RAPGEF2: variants seen among roughly 807,000 people sequenced by gnomAD.
RAPGEF2 encodes PDZ domain containing guanine nucleotide exchange factor (GEF) 1.
RAPGEF2 carries 54 observed loss-of-function variants against 186.7 expected under a neutral mutation model. That is an observed-to-expected ratio of 0.29 (90% CI 0.23 to 0.36). The LOEUF (loss-of-function observed/expected upper bound fraction) is 0.36, where lower values mean the gene tolerates loss of function less well. Among genes scored for constraint, RAPGEF2 ranks in the 10% least tolerant of loss-of-function variants. The pLI, the probability that RAPGEF2 is intolerant of heterozygous loss-of-function variation, is 1.00. For synonymous variants in RAPGEF2, 712 were observed against 705.9 expected, an observed-to-expected ratio of 1.01 and a Z score of -0.14; for missense variants, 1,532 against 2,045.0, an observed-to-expected ratio of 0.75 and a Z score of 4.84.
In RAPGEF2 at chr4:159,247,755, C is replaced by CTTTTT. The variant is rs56053207; in HGVS notation, c.543+3985_543+3989dup. On this transcript the variant is annotated intron_variant, in intron 7 of 29. Transcript: ENST00000691494. The stretch of plus-strand genomic sequence containing the variant: ...AGAAGAAAGTAGAAATAATTTGTTT[C>CTTTTT]TTTTTTTTTTTTTTTTTTTTTTTTT... Among the ~76,000 whole-genome samples the CTTTTT allele has an allele frequency of 6.0e-4, 50 of 83,456 alleles. 2 individuals are homozygous for CTTTTT. The highest frequency in any genetic ancestry group is 2.0e-3 in the African/African-American group (42 of 21,152). The allele number at this position is 83,456 out of a possible 152,430, so 54.8% of individuals were successfully genotyped here. A position where few individuals can be genotyped will look rare whatever the true frequency, so the allele number is the denominator to read the frequency against.
In RAPGEF2 at chr4:159,244,571, G is replaced by GA. The variant is rs901626397; in HGVS notation, c.543+785dup. Among the ~76,000 whole-genome samples the GA allele has an allele frequency of 1.9e-4, 29 of 151,992 alleles. 1 individual carries two copies. Among genetic ancestry groups the GA allele is most frequent in the South Asian group, 6.2e-4 (3 of 4,830 alleles). ...TATCCGGGAATTTTGAGTCAAGGAA[G>GA]AAAAACTGATTTATCCTTGAAAACT... On this transcript the variant is annotated intron_variant, in intron 7 of 29. Coordinates refer to ENST00000691494, the MANE Select transcript of RAPGEF2 (RefSeq NM_001394067.2).
At chr4:159,123,240 A>T (rs1449882828) in intron 1 of RAPGEF2, among the ~76,000 whole-genome samples, 2 of 152,254 alleles carry the variant, frequency 1.3e-5, no homozygotes, top group Non-Finnish European at 2.9e-5. Flanking sequence ...TTCATAGGTC[A>T]GAAGTTACCT....
At chr4:159,248,294 A>G (rs1161202439) in intron 7 of RAPGEF2, among the ~76,000 whole-genome samples, 1 of 152,204 alleles carries the variant, frequency 6.6e-6, no homozygotes, top group Non-Finnish European at 1.5e-5. Context: ...AGAATGGAAA[A>G]GAGGATGAAG....
intron 7 of RAPGEF2, among the ~76,000 whole-genome samples, chr4:159,295,738 T>C (rs1265466354): frequency 3.0e-5 from 4 of 133,808 alleles, no homozygotes; most frequent in African/African-American, 1.4e-4. Context: ...TGTGTGTGTG[T>C]GTGTGTGTGT....
intron 7 of RAPGEF2, among the ~76,000 whole-genome samples, chr4:159,279,204 A>G (rs1759350991): frequency 1.3e-5 from 2 of 152,218 alleles, no homozygotes; most frequent in African/African-American, 2.4e-5. Flanking sequence ...TCCACATACT[A>G]AAGAAATCAG....
chr4:159,280,408 A>C (rs535608661), intron 7 of RAPGEF2, among the ~76,000 whole-genome samples: 3 of 152,306 alleles, frequency 2.0e-5, no homozygotes, highest in African/African-American at 7.2e-5. Flanking sequence ...TCCACTGATG[A>C]TGGATTCTTC....
intron 3 of RAPGEF2, among the ~76,000 whole-genome samples, chr4:159,205,662 CAT>C (rs1749895526): frequency 6.6e-6 from 1 of 152,110 alleles, no homozygotes; most frequent in South Asian, 2.1e-4. Context: ...GTGGTTTAAA[CAT>C]GTGTAGCACT....
At chr4:159,347,748 C>T (rs768444432) in intron 25 of RAPGEF2, among the ~76,000 whole-genome samples, 12 of 152,238 alleles carry the variant, frequency 7.9e-5, no homozygotes, top group Non-Finnish European at 1.3e-4. Context: ...CGCACCGCTG[C>T]ACTCCTCCAG....
At chr4:159,238,130 C>CAAT (rs1485776978) in intron 4 of RAPGEF2, among the ~76,000 whole-genome samples, 3 of 152,058 alleles carry the variant, frequency 2.0e-5, no homozygotes, top group Non-Finnish European at 4.4e-5. Context: ...TTTGCATATC[C>CAAT]CTATGTCAGA....
At chr4:159,109,710 G>C (rs987863132) in intron 1 of RAPGEF2, among the ~76,000 whole-genome samples, 3 of 152,186 alleles carry the variant, frequency 2.0e-5, no homozygotes, top group Non-Finnish European at 2.9e-5. Flanking sequence ...GGACTTCCTA[G>C]ATGAATATGT....
intron 1 of RAPGEF2, among the ~76,000 whole-genome samples, chr4:159,106,323 G>C (rs563208997): frequency 4.6e-5 from 7 of 152,268 alleles, no homozygotes; most frequent in Non-Finnish European, 8.8e-5. Flanking sequence ...TTCTTTTCAA[G>C]AGAAAGTTGT....
At chr4:159,126,005 AT>A (rs1259336930) in intron 1 of RAPGEF2, among the ~76,000 whole-genome samples, 2 of 152,190 alleles carry the variant, frequency 1.3e-5, no homozygotes, top group Non-Finnish European at 2.9e-5. Context: ...ACTTACTACA[AT>A]GTGTCTGCTA....
In RAPGEF2 at chr4:159,340,802, C is replaced by T. The variant is rs1222039805; in HGVS notation, c.2535-762C>T. On this transcript the variant is annotated intron_variant, in intron 19 of 29. Transcript: ENST00000691494. ...CACCACACACACACACACACACACA[C>T]ACACACACACACGTGTGCGTGCAAC... Among the ~76,000 whole-genome samples, 3 of 152,000 alleles carry T rather than the reference C, an allele frequency of 2.0e-5. 1 individual carries two copies. Among genetic ancestry groups the T allele is most frequent in the Middle Eastern group, 6.8e-3 (2 of 294 alleles).
chr4:159,162,752 A>G (rs1744855740), intron 1 of RAPGEF2, among the ~76,000 whole-genome samples: 1 of 152,244 alleles, frequency 6.6e-6, no homozygotes, highest in Non-Finnish European at 1.5e-5. Flanking sequence ...GTCCACAGTT[A>G]AAAACCATGC....
intron 1 of RAPGEF2, among the ~76,000 whole-genome samples, chr4:159,176,507 G>C (rs184278361): frequency 3.9e-5 from 6 of 152,210 alleles, no homozygotes; most frequent in Non-Finnish European, 8.8e-5. Context: ...TGTTAAAAAG[G>C]TTTAACCTGA....
In RAPGEF2 at chr4:159,332,472, G is replaced by C. The variant is rs1304598167; in HGVS notation, c.1910G>C (p.Arg637Thr). ...NLFVFKELLT[R>T]LSEEKRNGAP... ...TTAGTATTTAAAGAACTTCTAACAA[G>C]ATTGTCAGAAGAGAAAAGAAATGGT... Residue 637 changes from arginine (R) to threonine (T), a missense_variant, in exon 17 of 30, where the codon AGA becomes ACA. Arg to Thr is a moderately conservative substitution (Grantham distance 71, BLOSUM62 -1). This residue lies in a region of RAPGEF2 where 810 missense variants were observed against 1,210.5 expected (regional missense o/e 0.67). Coordinates refer to ENST00000691494, the MANE Select transcript of RAPGEF2 (RefSeq NM_001394067.2). The C allele has an allele frequency of 6.2e-7, 1 of 1,612,484 alleles. No individual in the cohort carries two copies. Among genetic ancestry groups the C allele is most frequent in the Non-Finnish European group, 8.5e-7 (1 of 1,179,150 alleles).
chr4:159,289,379 C>T (rs747628212), intron 7 of RAPGEF2, among the ~76,000 whole-genome samples: 1 of 152,052 alleles, frequency 6.6e-6, no homozygotes, highest in Non-Finnish European at 1.5e-5. Context: ...ATGCTGGCTT[C>T]CAGGAAGGCT....
chr4:159,180,263 T>A (rs1257140709), intron 1 of RAPGEF2, among the ~76,000 whole-genome samples: 1 of 152,234 alleles, frequency 6.6e-6, no homozygotes, highest in Non-Finnish European at 1.5e-5. Flanking sequence ...TGTCTTTTGC[T>A]TATCTCTAGT....
chr4:159,128,064 T>A (rs1740562748), intron 1 of RAPGEF2, among the ~76,000 whole-genome samples: 1 of 152,226 alleles, frequency 6.6e-6, no homozygotes, highest in Middle Eastern at 3.2e-3. Flanking sequence ...TTTGCTTTCC[T>A]TGAATTTTGA....
Sources: allele counts gnomAD v4.1 joint callset (sites outside exome capture counted in the v4.1 genomes callset), GRCh38; gene constraint gnomAD v4.1.1; regional missense constraint gnomAD v4.1.1; transcripts MANE v1.5; gene names NCBI Gene and HGNC (gene_info 2026-07-23, HGNC 2026-07-21).